The following APBB2 variants were observed in gnomAD, a reference collection of about 807,000 sequenced individuals.
APBB2 encodes Fe65-like 1.
APBB2 carries 38 observed loss-of-function variants against 82.5 expected under a neutral mutation model. That is an observed-to-expected ratio of 0.46 (90% CI 0.36 to 0.60). The LOEUF (loss-of-function observed/expected upper bound fraction) is 0.60. Among genes scored for constraint, APBB2 ranks in the 20% least tolerant of loss-of-function variants. The pLI is 0.00. For synonymous variants in APBB2, 341 were observed against 368.2 expected (o/e 0.93, Z 0.85); for missense variants, 772 against 972.3 (o/e 0.79, Z 2.74).
intron 1 of APBB2, among the ~76,000 whole-genome samples, chr4:41,155,632 C>G (rs1162446237): frequency 6.6e-6 from 1 of 152,236 alleles, no homozygotes; most frequent in African/African-American, 2.4e-5. Context: ...ACAGACGAGA[C>G]AGTCAGGCAG....
intron 6 of APBB2, among the ~76,000 whole-genome samples, chr4:41,006,598 G>A (rs1205199817): frequency 6.6e-6 from 1 of 152,020 alleles, no homozygotes; most frequent in Non-Finnish European, 1.5e-5. Context: ...CAAGTAAATG[G>A]GATTATAGGC....
At chr4:41,073,612 T>C (rs1734629862) in intron 3 of APBB2, among the ~76,000 whole-genome samples, 1 of 152,190 alleles carries the variant, frequency 6.6e-6, no homozygotes, top group African/African-American at 2.4e-5. Flanking sequence ...TCAGACCACA[T>C]ACAGTATACC....
At chr4:41,196,058 C>T in intron 1 of APBB2, among the ~76,000 whole-genome samples, 1 of 151,944 alleles carries the variant, frequency 6.6e-6, no homozygotes, top group Non-Finnish European at 1.5e-5. Flanking sequence ...ACTTGGGAGG[C>T]TGAGGCAAGA....
intron 10 of APBB2, among the ~76,000 whole-genome samples, chr4:40,903,444 G>C (rs1006774739): frequency 1.3e-5 from 2 of 152,200 alleles, no homozygotes; most frequent in African/African-American, 4.8e-5. Flanking sequence ...TCCAGCCTGG[G>C]CAACAGAGTG....
chr4:41,203,817 G>A (rs534494973), intron 1 of APBB2, among the ~76,000 whole-genome samples: 1 of 152,248 alleles, frequency 6.6e-6, no homozygotes, highest in South Asian at 2.1e-4. Flanking sequence ...AAACCCCACT[G>A]CATCTTTCTG....
intron 5 of APBB2, among the ~76,000 whole-genome samples, chr4:41,024,328 A>T (rs1322939362): frequency 6.6e-6 from 1 of 152,238 alleles, no homozygotes; most frequent in Admixed American, 6.5e-5. Context: ...GACAAGTGGG[A>T]TCTAATTAAA....
intron 3 of APBB2, among the ~76,000 whole-genome samples, chr4:41,083,688 A>T (rs1001902305): frequency 4.9e-5 from 1 of 20,420 alleles, no homozygotes; most frequent in South Asian, 8.4e-4. Flanking sequence ...CTCTGTCTCA[A>T]AAAAAAAAAA....
intron 2 of APBB2, among the ~76,000 whole-genome samples, chr4:41,107,502 A>T (rs1043833362): frequency 3.3e-5 from 5 of 152,220 alleles, no homozygotes; most frequent in Non-Finnish European, 7.3e-5. Flanking sequence ...TCAGTCAACA[A>T]TCATTAATAC....
intron 12 of APBB2, chr4:40,880,927 G>C (rs1768292137): frequency 1.3e-5 from 13 of 980,406 alleles, no homozygotes; most frequent in Non-Finnish European, 1.5e-5. Context: ...ATAGATTCAT[G>C]AACAGGGACA....
intron 3 of APBB2, among the ~76,000 whole-genome samples, chr4:41,077,325 A>G (rs549377168): frequency 1.3e-5 from 2 of 151,936 alleles, no homozygotes; most frequent in South Asian, 4.2e-4. Flanking sequence ...TTTTTTTTAA[A>G]CAATAATTAC....
chr4:40,867,369 T>C (rs991769673), intron 12 of APBB2, among the ~76,000 whole-genome samples: 14 of 152,234 alleles, frequency 9.2e-5, no homozygotes, highest in African/African-American at 3.1e-4. Context: ...CAGAGCATTT[T>C]TCATATCTAT....
intron 3 of APBB2, among the ~76,000 whole-genome samples, chr4:41,066,725 TAGAGTGAGGCCTGC>T (rs1731995667): frequency 6.6e-6 from 1 of 152,172 alleles, no homozygotes; most frequent in Non-Finnish European, 1.5e-5. Context: ...GGCCACTCTC[TAGAGTGAGGCCTGC>T]AGAGTGAGGC....
intron 12 of APBB2, among the ~76,000 whole-genome samples, chr4:40,863,914 A>AAAAAAAAC: frequency 6.6e-6 from 1 of 150,796 alleles, no homozygotes; most frequent in African/African-American, 2.4e-5. Flanking sequence ...AAAAAAAAAA[A>AAAAAAAAC]AAGCAAGCCA....
chr4:40,843,239 G>T (rs553015772), intron 12 of APBB2, among the ~76,000 whole-genome samples: 1 of 152,200 alleles, frequency 6.6e-6, no homozygotes, highest in South Asian at 2.1e-4. Context: ...ACAGAAACCC[G>T]TTCTCTCGGG....
intron 6 of APBB2, among the ~76,000 whole-genome samples, chr4:40,986,197 G>A (rs1316027337): frequency 6.6e-6 from 1 of 152,004 alleles, no homozygotes; most frequent in Non-Finnish European, 1.5e-5. Context: ...AAAATAGTAA[G>A]GCTAAAAAAA....
At chr4:40,833,261 C>T (rs1465700807) in intron 12 of APBB2, among the ~76,000 whole-genome samples, 2 of 152,230 alleles carry the variant, frequency 1.3e-5, no homozygotes, top group Non-Finnish European at 2.9e-5. Context: ...CACACAAAGT[C>T]CAAAAACCTC....
chr4:41,088,991 G>C (rs1051328653), intron 3 of APBB2, among the ~76,000 whole-genome samples: 3 of 152,180 alleles, frequency 2.0e-5, no homozygotes, highest in African/African-American at 7.2e-5. Context: ...GATCATCTCA[G>C]AGAAAGGGGC....
chr4:41,053,993 T>G (rs1477203987), intron 4 of APBB2, among the ~76,000 whole-genome samples: 1 of 152,166 alleles, frequency 6.6e-6, no homozygotes, highest in Non-Finnish European at 1.5e-5. Flanking sequence ...AATTTAACAG[T>G]CCATTCAGCT....
At chr4:40,856,470 A>C (rs1173208501) in intron 12 of APBB2, among the ~76,000 whole-genome samples, 3 of 152,248 alleles carry the variant, frequency 2.0e-5, no homozygotes, top group African/African-American at 7.2e-5. Context: ...TCTCGCATGG[A>C]AGTCACACCA....
Sources: gnomAD v4.1 joint callset for allele counts (sites outside exome capture counted in the v4.1 genomes callset) on GRCh38, gnomAD v4.1.1 for gene constraint, MANE v1.5 for transcripts, NCBI Gene and HGNC (gene_info 2026-07-23, HGNC 2026-07-21) for gene names.